The following MYL11 variants were observed in gnomAD, a reference collection of about 807,000 sequenced individuals.
MYL11 encodes myosin light chain 11.
the MYL11 span, chr16:30,376,091 A>G: frequency 6.3e-7 from 1 of 1,586,850 alleles, no homozygotes; most frequent in Non-Finnish European, 8.6e-7. Flanking sequence ...TGGGGTAGGG[A>G]TGCTGAGGCT....
the MYL11 span, among the ~76,000 whole-genome samples, chr16:30,373,247 C>T: frequency 6.6e-6 from 1 of 151,762 alleles, no homozygotes; most frequent in African/African-American, 2.4e-5. Context: ...CATCTGAAGT[C>T]GGAATTCAAG....
the MYL11 span, chr16:30,376,819 T>A: frequency 5.1e-6 from 5 of 970,996 alleles, no homozygotes; most frequent in Non-Finnish European, 4.7e-6. Context: ...ATAATCCCAG[T>A]GCTTTGGGAG....
the MYL11 span, chr16:30,377,625 G>T: frequency 1.4e-6 from 2 of 1,452,396 alleles, no homozygotes; most frequent in Non-Finnish European, 9.1e-7. Context: ...GAACCCAATC[G>T]CAACTCCCCT....
the MYL11 span, among the ~76,000 whole-genome samples, chr16:30,376,936 G>A: frequency 6.6e-6 from 1 of 152,182 alleles, no homozygotes; most frequent in Non-Finnish European, 1.5e-5. Flanking sequence ...GGGCTGGCCG[G>A]GCACAGTGGC....
At chr16:30,374,631 C>T in the MYL11 span, 3 of 542,620 alleles carry the variant, frequency 5.5e-6, no homozygotes, top group Non-Finnish European at 9.7e-6. Context: ...GACATGCTCC[C>T]CCCTTCCTCC....
At chr16:30,371,343 A>G in the MYL11 span, among the ~76,000 whole-genome samples, 1 of 151,980 alleles carries the variant, frequency 6.6e-6, no homozygotes, top group Non-Finnish European at 1.5e-5. Flanking sequence ...CCTGAGCCCC[A>G]CACTCTGGTG....
the MYL11 span, chr16:30,374,638 C>T: frequency 1.8e-6 from 1 of 546,056 alleles, no homozygotes; most frequent in Non-Finnish European, 3.2e-6. Flanking sequence ...TCCCCCCTTC[C>T]TCCCCGCTGG....
At chr16:30,374,672 A>G in the MYL11 span, 1 of 617,452 alleles carries the variant, frequency 1.6e-6, no homozygotes, top group Non-Finnish European at 2.7e-6. Flanking sequence ...CCAGCCCTCC[A>G]AGAAAGGAGA....
At chr16:30,371,410 C>T in the MYL11 span, among the ~76,000 whole-genome samples, 4 of 152,160 alleles carry the variant, frequency 2.6e-5, no homozygotes, top group Admixed American at 2.6e-4. Context: ...GTACTCTCAT[C>T]CTTTACTCTA....
At chr16:30,376,672 G>T in the MYL11 span, 1 of 1,614,038 alleles carries the variant, frequency 6.2e-7, no homozygotes, top group Non-Finnish European at 8.5e-7. Flanking sequence ...TGGACCCTGA[G>T]GGAAAGGGCA....
chr16:30,374,627 C>T, the MYL11 span: 1 of 540,656 alleles, frequency 1.8e-6, no homozygotes, highest in South Asian at 2.5e-5. Flanking sequence ...GCAAGACATG[C>T]TCCCCCCTTC....
chr16:30,374,803 A>T, the MYL11 span: 1 of 1,608,084 alleles, frequency 6.2e-7, no homozygotes. Context: ...CCCCATGCTG[A>T]CTCCTTGCTT....
At chr16:30,376,293 G>A in the MYL11 span, 4 of 1,571,386 alleles carry the variant, frequency 2.5e-6, no homozygotes, top group Non-Finnish European at 3.5e-6. Flanking sequence ...TTGGGTTCCA[G>A]CCCTGTCAGC....
At chr16:30,376,732 C>T in the MYL11 span, 7 of 1,591,182 alleles carry the variant, frequency 4.4e-6, no homozygotes, top group Non-Finnish European at 5.1e-6. Context: ...TCCGACCCTT[C>T]CCCCACTCCA....
At chr16:30,373,605 A>G in the MYL11 span, among the ~76,000 whole-genome samples, 3 of 151,582 alleles carry the variant, frequency 2.0e-5, no homozygotes, top group Admixed American at 6.6e-5. Context: ...CAAAAAAAAA[A>G]AAAAAAAGTA....
the MYL11 span, among the ~76,000 whole-genome samples, chr16:30,375,512 A>G: frequency 6.6e-6 from 1 of 152,010 alleles, no homozygotes; most frequent in Non-Finnish European, 1.5e-5. Context: ...AAACAGGGCA[A>G]ATGAGTGGCT....
chr16:30,376,599 T>C, the MYL11 span: 3 of 1,614,112 alleles, frequency 1.9e-6, no homozygotes, highest in Non-Finnish European at 2.5e-6. Context: ...ATCAGCTTCA[T>C]GTGCCCTCTG....
At chr16:30,375,225 G>A in the MYL11 span, among the ~76,000 whole-genome samples, 1 of 152,160 alleles carries the variant, frequency 6.6e-6, no homozygotes, top group African/African-American at 2.4e-5. Context: ...CAGCACTTTG[G>A]GAGGCCAAGG....
At chr16:30,375,761 C>T in the MYL11 span, 25 of 1,400,580 alleles carry the variant, frequency 1.8e-5, no homozygotes, top group Non-Finnish European at 2.4e-5. Flanking sequence ...TAATCCATTG[C>T]CCCCAGAGAG....
Sources: gnomAD v4.1 joint callset for allele counts (sites outside exome capture counted in the v4.1 genomes callset) on GRCh38, gnomAD v4.1.1 for gene constraint, MANE v1.5 for transcripts, NCBI Gene and HGNC (gene_info 2026-07-23, HGNC 2026-07-21) for gene names.